DOCK9: variants seen among roughly 807,000 people sequenced by gnomAD.
The protein encoded by DOCK9 is dedicator of cytokinesis 9, also known as dedicator of cytokinesis protein 9.
In DOCK9, 89 loss-of-function variants were observed where a neutral mutation model predicts 263.3. The ratio of observed to expected loss-of-function variants is 0.34; its 90% confidence interval spans 0.28 to 0.40. DOCK9 has a LOEUF of 0.40. Ranked by LOEUF, DOCK9 falls within the 10% of genes least tolerant of loss-of-function variation. DOCK9 has a pLI of 1.00. For synonymous variants in DOCK9, 976 were observed against 973.1 expected, an observed-to-expected ratio of 1.00 and a Z score of -0.06; for missense variants, 2,140 against 2,603.4, an observed-to-expected ratio of 0.82 and a Z score of 3.87.
At chr13:98,961,307 G>A (rs1030112240) in intron 1 of DOCK9, among the ~76,000 whole-genome samples, 1 of 152,170 alleles carries the variant, frequency 6.6e-6, no homozygotes, top group African/African-American at 2.4e-5. Context: ...TAAGCCCGGG[G>A]GCCCGCCCAG....
chr13:98,829,237 G>A lies in DOCK9; in HGVS notation c.4965+70C>T. On this transcript the variant is annotated intron_variant, in intron 43 of 52. Transcript: ENST00000682017. The surrounding 1 kb of genome is among the most constrained non-coding windows in gnomAD (Gnocchi z 4.1). ...TAATGGAATAACTTTTCTCAAAACT[G>A]GCTTTTTAAGTGAATGGGGCCTCAC... The A allele has an allele frequency of 7.2e-7, 1 of 1,390,884 alleles. No homozygotes were observed. The highest frequency in any genetic ancestry group is 2.5e-5 in the East Asian group (1 of 40,312). 86.2% of individuals were successfully genotyped at this position (1,390,884 alleles called of 1,614,324 possible). A position where few individuals can be genotyped will look rare whatever the true frequency, so the allele number is the denominator to read the frequency against.
chr13:99,018,626 A>G (rs1434941183), intron 1 of DOCK9, among the ~76,000 whole-genome samples: 1 of 152,240 alleles, frequency 6.6e-6, no homozygotes, highest in Admixed American at 6.5e-5. Context: ...ATTCAGAAAC[A>G]GGTCTCATGA....
At position 98,796,835 on chromosome 13, in the gene DOCK9, C is replaced by T. The variant is rs186475322; in HGVS notation, c.6156+280G>A. 3.2e-4 allele frequency among the ~76,000 whole-genome samples: 48 copies of T among 151,896 alleles called. 1 individual carries two copies. In the East Asian group the frequency reaches 7.7e-3, roughly 24 times the overall value. On this transcript the variant is annotated intron_variant, in intron 52 of 52. Coordinates refer to ENST00000682017, the MANE Select transcript of DOCK9 (RefSeq NM_001366683.2). ...TTCCTTTCTTTTCTTTTTGGCTAGA[C>T]GGGGGTGGGGAGAGAGAAAGCTTAG...
chr13:98,879,486 A>G (rs1286050138), intron 27 of DOCK9, among the ~76,000 whole-genome samples: 1 of 152,232 alleles, frequency 6.6e-6, no homozygotes, highest in Non-Finnish European at 1.5e-5. Flanking sequence ...AATCATGGGT[A>G]ATGACACTTA....
intron 1 of DOCK9, chr13:99,015,642 C>T: frequency 5.8e-6 from 9 of 1,560,068 alleles, no homozygotes; most frequent in Non-Finnish European, 7.8e-6. Context: ...TTTTAGCAAT[C>T]TCTACTCCAT....
chr13:99,039,586 C>T (rs1016781174), intron 1 of DOCK9, among the ~76,000 whole-genome samples: 1 of 152,182 alleles, frequency 6.6e-6, no homozygotes, highest in African/African-American at 2.4e-5. Flanking sequence ...GGTTACCATT[C>T]TCTCAACAAG....
intron 2 of DOCK9, among the ~76,000 whole-genome samples, chr13:98,946,729 G>A (rs1462951369): frequency 6.6e-6 from 1 of 151,644 alleles, no homozygotes; most frequent in Non-Finnish European, 1.5e-5. Flanking sequence ...ACTGCTCTGA[G>A]CCACTCTGAT....
intron 13 of DOCK9, among the ~76,000 whole-genome samples, chr13:98,899,985 T>C (rs999638596): frequency 8.5e-5 from 13 of 152,200 alleles, no homozygotes; most frequent in Non-Finnish European, 1.8e-4. Flanking sequence ...CTAGACCATC[T>C]TGGAAAACAT....
chr13:98,966,171 C>T (rs2059170035), intron 1 of DOCK9, among the ~76,000 whole-genome samples: 1 of 152,228 alleles, frequency 6.6e-6, no homozygotes, highest in Non-Finnish European at 1.5e-5. Flanking sequence ...TAGGAGACTT[C>T]CTCCATGTCC....
At chr13:98,912,470 A>T (rs564897581) in intron 9 of DOCK9, among the ~76,000 whole-genome samples, 2 of 152,338 alleles carry the variant, frequency 1.3e-5, no homozygotes, top group South Asian at 4.1e-4. Context: ...GCAGGGGTTG[A>T]AATCAAACTG....
In DOCK9 at chr13:98,809,085, A is replaced by C. The variant is rs1393519274; in HGVS notation, c.5367+267T>G. On this transcript the variant is annotated intron_variant, in intron 47 of 52. Transcript: ENST00000682017. Reference sequence around the variant, plus strand: ...CTTGCAAACCACACTGAAGTACCAAAGATGTTGCTAAGAATGTCTTAAGGA... The same window carrying C: ...CTTGCAAACCACACTGAAGTACCAACGATGTTGCTAAGAATGTCTTAAGGA... 3.2e-6 allele frequency: 5 copies of C among 1,539,900 alleles called. No individual in the cohort carries two copies. In the East Asian group the frequency reaches 1.2e-4, roughly 38 times the overall value.
chr13:98,821,857 TC>T (rs1354030047), intron 45 of DOCK9, among the ~76,000 whole-genome samples: 1 of 152,190 alleles, frequency 6.6e-6, no homozygotes, highest in Non-Finnish European at 1.5e-5. Flanking sequence ...TTTAATTATA[TC>T]TAATAATGTA....
chr13:98,834,955 G>A (rs2092932277), intron 39 of DOCK9, among the ~76,000 whole-genome samples: 1 of 152,138 alleles, frequency 6.6e-6, no homozygotes, highest in African/African-American at 2.4e-5. Flanking sequence ...GGTCAGTTGT[G>A]TAGTGATCTT....
chr13:98,887,143 A>ATATATATTT (rs1470080750), intron 18 of DOCK9, among the ~76,000 whole-genome samples: 2 of 95,290 alleles, frequency 2.1e-5, no homozygotes, highest in African/African-American at 8.7e-5. Flanking sequence ...ATATATATAT[A>ATATATATTT]TTTTTTTTTT....
chr13:98,880,787 G>T, intron 25 of DOCK9, 115 bp from the exon 26 acceptor site: 1 of 1,364,330 alleles, frequency 7.3e-7, no homozygotes, highest in Non-Finnish European at 9.9e-7. Context: ...ATTTGTGGGA[G>T]AGGAAGGTGT....
chr13:99,061,532 A>G (rs2041189845), intron 1 of DOCK9, among the ~76,000 whole-genome samples: 1 of 152,134 alleles, frequency 6.6e-6, no homozygotes, highest in South Asian at 2.1e-4. Flanking sequence ...CAAATCTGGA[A>G]TGATCAGGTC....
intron 47 of DOCK9, chr13:98,808,585 T>A (rs1434778578): frequency 8.2e-7 from 1 of 1,220,414 alleles, no homozygotes; most frequent in South Asian, 1.3e-5. Context: ...AACTAGGAGT[T>A]TAGACGCAGT....
intron 29 of DOCK9, 83 bp downstream of exon 29, chr13:98,867,845 T>TAAA: frequency 2.0e-6 from 2 of 1,009,014 alleles, no homozygotes; most frequent in Non-Finnish European, 2.8e-6. Flanking sequence ...GGCAGAGCTT[T>TAAA]AAAAAAAAAA....
chr13:99,008,456 T>A (rs1192836817), intron 1 of DOCK9, among the ~76,000 whole-genome samples: 3 of 151,884 alleles, frequency 2.0e-5, no homozygotes, highest in African/African-American at 4.8e-5. Context: ...CTGGTCTCAA[T>A]CTCCTGACCT....
Sources: allele counts gnomAD v4.1 joint callset (sites outside exome capture counted in the v4.1 genomes callset), GRCh38; gene constraint gnomAD v4.1.1; non-coding constraint Gnocchi (gnomAD v3.1); transcripts MANE v1.5; gene names NCBI Gene and HGNC (gene_info 2026-07-23, HGNC 2026-07-21).